PREX2: variants seen among roughly 807,000 people sequenced by gnomAD.
PREX2 encodes the protein phosphatidylinositol-3,4,5-trisphosphate dependent Rac exchange factor 2.
In PREX2, 107 loss-of-function variants were observed where a neutral mutation model predicts 203.2. The observed-to-expected ratio is 0.53, with a 90% CI of 0.45 to 0.62. The LOEUF (loss-of-function observed/expected upper bound fraction) is 0.62, where lower values mean the gene tolerates loss of function less well. PREX2 is among the 20% of genes least tolerant of loss of function. The pLI, the probability that PREX2 is intolerant of heterozygous loss-of-function variation, is 0.00. For synonymous variants in PREX2, 672 were observed against 663.6 expected, an observed-to-expected ratio of 1.01 and a Z score of -0.19; for missense variants, 1,777 against 1,955.9, an observed-to-expected ratio of 0.91 and a Z score of 1.72.
intron 1 of PREX2, among the ~76,000 whole-genome samples, chr8:68,008,504 T>C (rs1807167200): frequency 6.6e-6 from 1 of 152,194 alleles, no homozygotes; most frequent in African/African-American, 2.4e-5. Flanking sequence ...AAGTCATGTG[T>C]GTTTTAAGGA....
intron 1 of PREX2, among the ~76,000 whole-genome samples, chr8:67,964,076 G>A (rs754977151): frequency 8.5e-5 from 13 of 152,170 alleles, no homozygotes; most frequent in Non-Finnish European, 5.9e-5. Context: ...TAGAGAAGGT[G>A]GGGGAACCAG....
chr8:68,159,628 GCAGA>G (rs747024775), intron 35 of PREX2, among the ~76,000 whole-genome samples: 2 of 152,176 alleles, frequency 1.3e-5, no homozygotes, highest in Non-Finnish European at 2.9e-5. Flanking sequence ...AAGGAATTGT[GCAGA>G]CAAAGTACCA....
intron 29 of PREX2, 73 bp from the exon 30 acceptor site, chr8:68,120,848 G>A (rs1480611772): frequency 7.6e-7 from 1 of 1,313,768 alleles, no homozygotes; most frequent in Non-Finnish European, 1.1e-6. Context: ...GACAGAAGAA[G>A]GTTTTGAAGC....
At chr8:68,180,134 T>A (rs555760810) in intron 35 of PREX2, among the ~76,000 whole-genome samples, 2 of 152,214 alleles carry the variant, frequency 1.3e-5, no homozygotes, top group African/African-American at 4.8e-5. Context: ...TTTCAGGGAA[T>A]TAAATACCTT....
In PREX2 at chr8:67,980,227, G is replaced by T. The variant is rs764216674; in HGVS notation, c.141+27692G>T. 1.2e-4 allele frequency among the ~76,000 whole-genome samples: 18 copies of T among 152,268 alleles called. 1 individual carries two copies. In the Middle Eastern group the frequency reaches 0.01, roughly 86 times the overall value. On this transcript the variant is annotated intron_variant, in intron 1 of 39. Coordinates refer to ENST00000288368, the MANE Select transcript of PREX2 (RefSeq NM_024870.4). ...GGCATGTTGGGTAAAGAGGAGAGGG[G>T]AAGAGTGGGGATGAAGTAGGTTACC... is the stretch of plus-strand genomic sequence containing the variant.
At chr8:68,078,742 A>T (rs1279847363) in intron 15 of PREX2, among the ~76,000 whole-genome samples, 1 of 152,150 alleles carries the variant, frequency 6.6e-6, no homozygotes, top group Non-Finnish European at 1.5e-5. Context: ...AGGGGATTAA[A>T]CCTGTAATAT....
At chr8:67,962,541 A>G (rs962260857) in intron 1 of PREX2, among the ~76,000 whole-genome samples, 1 of 151,588 alleles carries the variant, frequency 6.6e-6, no homozygotes, top group Non-Finnish European at 1.5e-5. Flanking sequence ...TCTATACTGT[A>G]TAACTATGTC....
chr8:68,106,866 C>T (rs902934079), intron 23 of PREX2, among the ~76,000 whole-genome samples: 7 of 152,002 alleles, frequency 4.6e-5, no homozygotes, highest in Admixed American at 1.3e-4. Flanking sequence ...CATTGTGTTA[C>T]GAAGAATGCA....
At chr8:67,995,861 T>A (rs188381888) in intron 1 of PREX2, among the ~76,000 whole-genome samples, 9 of 152,278 alleles carry the variant, frequency 5.9e-5, no homozygotes, top group African/African-American at 2.2e-4. Flanking sequence ...TTGGGATAGT[T>A]GGGTCATATG....
intron 37 of PREX2, among the ~76,000 whole-genome samples, chr8:68,210,056 A>G (rs1008365676): frequency 6.6e-6 from 1 of 152,220 alleles, no homozygotes; most frequent in Non-Finnish European, 1.5e-5. Context: ...TCAAAGTCTA[A>G]ACGTGTATCC....
intron 4 of PREX2, among the ~76,000 whole-genome samples, chr8:68,026,880 A>G (rs1296674752): frequency 6.6e-6 from 1 of 152,006 alleles, no homozygotes; most frequent in Non-Finnish European, 1.5e-5. Flanking sequence ...AAATCAATCT[A>G]TCTATTTATG....
intron 31 of PREX2, among the ~76,000 whole-genome samples, chr8:68,133,389 G>T (rs1303520937): frequency 6.6e-6 from 1 of 152,086 alleles, no homozygotes; most frequent in African/African-American, 2.4e-5. Context: ...TGCAGGATAA[G>T]AATCCTGGTA....
Position 68,054,399 on chromosome 8 carries a change from A to AAG in PREX2, c.1093+1155_1093+1156dup, listed in dbSNP as rs1198414439. On this transcript the variant is annotated intron_variant, in intron 9 of 39. Coordinates refer to ENST00000288368, the MANE Select transcript of PREX2 (RefSeq NM_024870.4). Reference sequence around the variant, plus strand: ...AACAAAATAAAAACCCCCAAACGAGAAGAAGCACATTCTCTAAAACTGCTT... The same window carrying AAG: ...AACAAAATAAAAACCCCCAAACGAGAAGAGAAGCACATTCTCTAAAACTGCTT... 2.0e-5 allele frequency among the ~76,000 whole-genome samples: 3 copies of AAG among 152,146 alleles called. No individual in the cohort carries two copies. The East Asian group carries it at 5.8e-4, about 29-fold the overall frequency.
intron 6 of PREX2, among the ~76,000 whole-genome samples, chr8:68,036,766 A>G (rs1358856644): frequency 6.6e-6 from 1 of 152,000 alleles, no homozygotes; most frequent in African/African-American, 2.4e-5. Context: ...ACCGACATGG[A>G]GAAACCCCGT....
At chr8:68,150,453 G>A (rs979845039) in intron 34 of PREX2, among the ~76,000 whole-genome samples, 15 of 152,114 alleles carry the variant, frequency 9.9e-5, no homozygotes, top group East Asian at 7.7e-4. Flanking sequence ...CCTTCATCCC[G>A]GAGGGGCTTG....
intron 1 of PREX2, among the ~76,000 whole-genome samples, chr8:67,991,549 G>C (rs1402574202): frequency 1.3e-5 from 2 of 152,166 alleles, no homozygotes; most frequent in African/African-American, 4.8e-5. Context: ...GAAGTGGGAA[G>C]AGCCGCGTAT....
At chr8:68,198,600 A>G (rs938232383) in intron 37 of PREX2, among the ~76,000 whole-genome samples, 2 of 152,240 alleles carry the variant, frequency 1.3e-5, no homozygotes, top group Non-Finnish European at 2.9e-5. Flanking sequence ...AAATCAGTAT[A>G]CAGCAAACGT....
chr8:67,974,122 A>T (rs1358464722), intron 1 of PREX2, among the ~76,000 whole-genome samples: 1 of 152,210 alleles, frequency 6.6e-6, no homozygotes, highest in African/African-American at 2.4e-5. Flanking sequence ...TTAGATTGAA[A>T]ATTGGAGAAA....
At chr8:68,118,471 A>G (rs556064761) in intron 26 of PREX2, 79 bp from the exon 27 acceptor site, 10 of 845,678 alleles carry the variant, frequency 1.2e-5, no homozygotes, top group Admixed American at 2.0e-5. Context: ...TATAACTGAT[A>G]TAAGTTTATG....
Sources: allele counts gnomAD v4.1 joint callset (sites outside exome capture counted in the v4.1 genomes callset), GRCh38; gene constraint gnomAD v4.1.1; transcripts MANE v1.5; gene names NCBI Gene and HGNC (gene_info 2026-07-23, HGNC 2026-07-21).